KLF8: variants seen among roughly 807,000 people sequenced by gnomAD.
The protein encoded by KLF8 is KLF transcription factor 8.
In KLF8, 10 loss-of-function variants were observed where a neutral mutation model predicts 18.2. The ratio of observed to expected loss-of-function variants is 0.55; its 90% CI spans 0.34 to 0.93. KLF8 has a LOEUF of 0.93. Among genes scored for constraint, KLF8 ranks in the 40% least tolerant of loss-of-function variants. The pLI is 0.02. For synonymous variants in KLF8, 109 were observed against 97.3 expected (o/e 1.12, Z -0.71); for missense variants, 264 against 277.9 (o/e 0.95, Z 0.36).
the KLF8 span, among the ~76,000 whole-genome samples, chrX:55,934,816 C>T: frequency 8.9e-6 from 1 of 112,414 alleles, no homozygotes; most frequent in Admixed American, 9.4e-5. Flanking sequence ...CTGTCCACTT[C>T]TCCCCCTTGG....
the KLF8 span, among the ~76,000 whole-genome samples, chrX:56,058,302 A>ATACATATATATATATATATATG: frequency 3.0e-5 from 2 of 66,479 alleles, no homozygotes; most frequent in African/African-American, 7.1e-5. Context: ...ATATATATAT[A>ATACATATATATATATATATATG]TATATATATA....
chrX:56,028,085 T>C, the KLF8 span, among the ~76,000 whole-genome samples: 1 of 112,319 alleles, frequency 8.9e-6, no homozygotes, highest in African/African-American at 3.2e-5. Flanking sequence ...CCACTGGTCT[T>C]GGCCAGGGCC....
rs1186029799 is a variant in KLF8, at chrX:56,286,227, A to G, written c.*1733A>G. On this transcript the variant is annotated 3_prime_UTR_variant, in exon 6 of 6. Transcript: ENST00000468660. ...GAGTGCAGTGGCGTAATCTTGGCTC[A>G]CTGCAACCTCCGCCTCCTGGGTTCA... 2 of 111,542 alleles carry G rather than the reference A, an allele frequency of 1.8e-5. No homozygotes were observed. Among genetic ancestry groups the G allele is most frequent in the Non-Finnish European group, 3.8e-5 (2 of 53,157 alleles). The allele number at this position is 111,542 out of a possible 1,213,427, so 9.2% of individuals were successfully genotyped here. A position where few individuals can be genotyped will look rare whatever the true frequency, so the allele number is the denominator to read the frequency against.
the KLF8 span, among the ~76,000 whole-genome samples, chrX:56,028,605 G>A: frequency 1.8e-5 from 2 of 111,494 alleles, no homozygotes; most frequent in Non-Finnish European, 3.8e-5. Context: ...GGAGCAAGAC[G>A]CAGCCTAGGT....
chrX:56,109,368 C>T, the KLF8 span, among the ~76,000 whole-genome samples: 27 of 100,983 alleles, frequency 2.7e-4, no homozygotes, highest in Non-Finnish European at 4.3e-4. Flanking sequence ...GCACTCTAGT[C>T]TGGGCAATAG....
the KLF8 span, among the ~76,000 whole-genome samples, chrX:56,188,996 C>A: frequency 9.0e-6 from 1 of 111,571 alleles, no homozygotes; most frequent in Non-Finnish European, 1.9e-5. Flanking sequence ...AAAGCAATGG[C>A]AACAAAAGCA....
At chrX:56,086,323 T>A in the KLF8 span, among the ~76,000 whole-genome samples, 1 of 111,670 alleles carries the variant, frequency 9.0e-6, no homozygotes, top group Non-Finnish European at 1.9e-5. Flanking sequence ...CCTTAGTGAC[T>A]CCACCTCCCA....
chrX:56,076,553 G>A, the KLF8 span, among the ~76,000 whole-genome samples: 1 of 111,000 alleles, frequency 9.0e-6, no homozygotes, highest in Non-Finnish European at 1.9e-5. Flanking sequence ...TTGGACATTT[G>A]GGTTGGTTCC....
At chrX:56,198,614 T>C in the KLF8 span, among the ~76,000 whole-genome samples, 1 of 111,695 alleles carries the variant, frequency 9.0e-6, no homozygotes, top group African/African-American at 3.3e-5. Context: ...GGAAGAATAT[T>C]CCATGCTCAT....
At chrX:56,183,427 C>T in the KLF8 span, among the ~76,000 whole-genome samples, 13 of 111,981 alleles carry the variant, frequency 1.2e-4, no homozygotes, top group Non-Finnish European at 1.5e-4. Flanking sequence ...CCTGGTGAGG[C>T]GGTGCCCTGC....
chrX:56,190,355 GA>G, the KLF8 span, among the ~76,000 whole-genome samples: 1 of 111,344 alleles, frequency 9.0e-6, no homozygotes, highest in Non-Finnish European at 1.9e-5. Flanking sequence ...AGCTAAAAAA[GA>G]GATAGACCCC....
chrX:56,003,443 TAAATA>T, the KLF8 span, among the ~76,000 whole-genome samples: 4 of 109,070 alleles, frequency 3.7e-5, no homozygotes, highest in Middle Eastern at 4.3e-3. Flanking sequence ...AATAAATAAA[TAAATA>T]AAAGTCTGAA....
chrX:56,108,776 G>A, the KLF8 span, among the ~76,000 whole-genome samples: 96 of 111,674 alleles, frequency 8.6e-4, 1 homozygote, highest in African/African-American at 2.8e-3. Flanking sequence ...AGAGTGAAAA[G>A]TTGTGTTATT....
chrX:56,249,058 T>C (rs1277563969), intron 1 of KLF8, among the ~76,000 whole-genome samples: 1 of 112,370 alleles, frequency 8.9e-6, no homozygotes, highest in Non-Finnish European at 1.9e-5. Context: ...TCAGATTCTA[T>C]TGGAAGTCAG....
At chrX:56,230,333 T>C (rs2147544285), upstream of KLF8, among the ~76,000 whole-genome samples, 1 of 112,406 alleles carries the variant, frequency 8.9e-6, no homozygotes, top group African/African-American at 3.2e-5. Flanking sequence ...AACAGTGCTG[T>C]AGTGGTAAGA....
At position 56,286,447 on chromosome X, in the gene KLF8, C is replaced by A. The variant is rs1291854166; in HGVS notation, c.*1953C>A. ...GGATCACAGGTGTGAGTCACCACAC[C>A]TGGCCAGGATCACATTATTAAACCA... On this transcript the variant is annotated 3_prime_UTR_variant, in exon 6 of 6. Coordinates refer to ENST00000468660, the MANE Select transcript of KLF8 (RefSeq NM_007250.5). 2 of 112,351 alleles carry A rather than the reference C, an allele frequency of 1.8e-5. No homozygotes were observed. The highest frequency in any genetic ancestry group is 6.5e-5 in the African/African-American group (2 of 30,899). The allele number at this position is 112,351 out of a possible 1,213,427, so 9.3% of individuals were successfully genotyped here.
the KLF8 span, among the ~76,000 whole-genome samples, chrX:56,115,717 A>G: frequency 2.7e-5 from 3 of 112,014 alleles, no homozygotes; most frequent in African/African-American, 9.7e-5. Flanking sequence ...TGATATTCCC[A>G]TAATAATAAT....
intron 5 of KLF8, among the ~76,000 whole-genome samples, chrX:56,278,523 A>G (rs1483690388): frequency 9.0e-6 from 1 of 111,203 alleles, no homozygotes; most frequent in Non-Finnish European, 1.9e-5. Context: ...CTTGTATCCA[A>G]GATGCAAAAC....
At chrX:55,947,843 T>C in the KLF8 span, among the ~76,000 whole-genome samples, 1 of 111,931 alleles carries the variant, frequency 8.9e-6, no homozygotes, top group Admixed American at 9.5e-5. Context: ...AAAAAACATT[T>C]CCTCTTTTAA....
Sources: allele counts gnomAD v4.1 joint callset (sites outside exome capture counted in the v4.1 genomes callset), GRCh38; gene constraint gnomAD v4.1.1; transcripts MANE v1.5; gene names NCBI Gene and HGNC (gene_info 2026-07-23, HGNC 2026-07-21).